DTWD2: variants seen among roughly 807,000 people sequenced by gnomAD.
The protein encoded by DTWD2 is tRNA-uridine aminocarboxypropyltransferase 2.
Under a neutral mutation model 31.8 loss-of-function variants are expected in DTWD2, and 39 were observed. That is an observed-to-expected ratio of 1.22 (90% CI 0.95 to 1.60). The LOEUF (loss-of-function observed/expected upper bound fraction) is 1.60, where lower values mean the gene tolerates loss of function less well. Among genes scored for constraint, DTWD2 ranks in the 40% most tolerant of loss-of-function variants. The pLI is 0.00. For synonymous variants in DTWD2, 180 were observed against 142.8 expected (o/e 1.26, Z -1.86); for missense variants, 515 against 381.5 (o/e 1.35, Z -2.92).
chr5:118,924,225 T>TAGCA (rs1753764643), intron 4 of DTWD2, among the ~76,000 whole-genome samples: 1 of 152,156 alleles, frequency 6.6e-6, no homozygotes, highest in African/African-American at 2.4e-5. Flanking sequence ...AAGTATCTCC[T>TAGCA]AGCAGGAGGA....
At chr5:118,846,687 A>T (rs1751859850) in intron 5 of DTWD2, among the ~76,000 whole-genome samples, 1 of 152,132 alleles carries the variant, frequency 6.6e-6, no homozygotes, top group Admixed American at 6.6e-5. Context: ...TTGCTTAAGA[A>T]TATACAGAGA....
intron 5 of DTWD2, among the ~76,000 whole-genome samples, chr5:118,846,174 T>C (rs953935832): frequency 2.8e-4 from 42 of 152,178 alleles, no homozygotes; most frequent in Admixed American, 3.9e-4. Flanking sequence ...TAATGGTATA[T>C]TGATTTTTAA....
At chr5:118,961,335 C>CTG (rs1754702025) in intron 1 of DTWD2, among the ~76,000 whole-genome samples, 1 of 152,136 alleles carries the variant, frequency 6.6e-6, no homozygotes, top group African/African-American at 2.4e-5. Context: ...AAACAGCTTT[C>CTG]TTAACAGCAA....
intron 1 of DTWD2, among the ~76,000 whole-genome samples, chr5:118,949,146 G>A (rs2149587957): frequency 6.6e-6 from 1 of 151,918 alleles, no homozygotes; most frequent in African/African-American, 2.4e-5. Context: ...TTTGTAGGAG[G>A]GGCTATAAAG....
At chr5:118,850,986 C>T (rs944929484) in intron 4 of DTWD2, among the ~76,000 whole-genome samples, 1 of 152,062 alleles carries the variant, frequency 6.6e-6, no homozygotes, top group Admixed American at 6.6e-5. Flanking sequence ...GTGGCTCAGG[C>T]CTGCAATCCC....
intron 5 of DTWD2, among the ~76,000 whole-genome samples, chr5:118,842,666 C>T (rs1317425165): frequency 6.6e-6 from 1 of 152,050 alleles, no homozygotes; most frequent in Non-Finnish European, 1.5e-5. Context: ...AATATACACC[C>T]CCACATCTGT....
rs541698508 is a variant in DTWD2 at position 118,878,462 on chromosome 5, C to A, written c.598-30244G>T. Among the ~76,000 whole-genome samples, 12 of 152,198 alleles carry A rather than the reference C, an allele frequency of 7.9e-5. No homozygotes were observed. In the South Asian group the frequency reaches 2.5e-3, roughly 32 times the overall value. On this transcript the variant is annotated intron_variant, in intron 4 of 5. Transcript: ENST00000510708. Reference sequence around the variant, plus strand: ...GCTAGGATAACTGGCTAGTCATATGCAGAAGATTGATACTGGACCCCTTCA... The same window carrying A: ...GCTAGGATAACTGGCTAGTCATATGAAGAAGATTGATACTGGACCCCTTCA...
intron 2 of DTWD2, among the ~76,000 whole-genome samples, chr5:118,942,729 C>A (rs76392725): frequency 0.017 from 2,639 of 152,086 alleles, 70 homozygotes; most frequent in African/African-American, 0.061. Context: ...TCTGGAACCA[C>A]ACAATAATGA....
At chr5:118,887,225 T>A (rs1247267842) in intron 4 of DTWD2, among the ~76,000 whole-genome samples, 2 of 152,210 alleles carry the variant, frequency 1.3e-5, no homozygotes, top group African/African-American at 4.8e-5. Flanking sequence ...ATAAAAATAT[T>A]CTATTCTCTA....
At chr5:118,920,122 A>G (rs985818328) in intron 4 of DTWD2, among the ~76,000 whole-genome samples, 6 of 152,134 alleles carry the variant, frequency 3.9e-5, no homozygotes, top group African/African-American at 9.7e-5. Context: ...CCTGGTGCCA[A>G]AAAGACTGGG....
intron 1 of DTWD2, among the ~76,000 whole-genome samples, chr5:118,945,376 C>T (rs1403352640): frequency 6.6e-6 from 1 of 152,134 alleles, no homozygotes; most frequent in East Asian, 1.9e-4. Flanking sequence ...TTAGGGGCAA[C>T]CAATGACTGG....
At chr5:118,857,434 T>G (rs929687063) in intron 4 of DTWD2, among the ~76,000 whole-genome samples, 3 of 152,212 alleles carry the variant, frequency 2.0e-5, no homozygotes, top group Non-Finnish European at 4.4e-5. Flanking sequence ...CTATTAAGAC[T>G]TTTGTCATAT....
intron 4 of DTWD2, among the ~76,000 whole-genome samples, chr5:118,884,142 C>G (rs1033082846): frequency 6.6e-6 from 1 of 152,156 alleles, no homozygotes; most frequent in Non-Finnish European, 1.5e-5. Context: ...TAATAAAATT[C>G]TTCCAGAAGC....
rs561082997 is a variant in DTWD2, at chr5:118,921,490, A to C, written c.597+7047T>G. Among the ~76,000 whole-genome samples the C allele has an allele frequency of 1.1e-4, 16 of 151,350 alleles. No homozygotes were observed. The South Asian group carries it at 3.4e-3, about 32-fold the overall frequency. Reference sequence around the variant, plus strand: ...AGCTATAATCACACCCGTGTACTCCAGTCTAGGCAACAGAGCAAGACCCCA... The same window carrying C: ...AGCTATAATCACACCCGTGTACTCCCGTCTAGGCAACAGAGCAAGACCCCA... On this transcript the variant is annotated intron_variant, in intron 4 of 5. Transcript: ENST00000510708.
At chr5:118,859,455 G>T (rs775252363) in intron 4 of DTWD2, among the ~76,000 whole-genome samples, 1 of 151,962 alleles carries the variant, frequency 6.6e-6, no homozygotes, top group Non-Finnish European at 1.5e-5. Context: ...ATACATTTTT[G>T]AAATGTTTTG....
intron 1 of DTWD2, among the ~76,000 whole-genome samples, chr5:118,983,469 T>A (rs192348563): frequency 1.3e-5 from 2 of 152,272 alleles, no homozygotes; most frequent in African/African-American, 4.8e-5. Flanking sequence ...GCATTCTTCT[T>A]AAACACCTGC....
chr5:118,945,730 A>C (rs1479025135), intron 1 of DTWD2, among the ~76,000 whole-genome samples: 1 of 148,630 alleles, frequency 6.7e-6, no homozygotes, highest in Non-Finnish European at 1.5e-5. Context: ...GTGCCACTGC[A>C]CTCCAGCCTG....
chr5:118,988,285 C>A lies in DTWD2; in HGVS notation c.218+9G>T, dbSNP rs767316960. Reference sequence around the variant, plus strand: ...CGGCTGCAGTCCCCGCCCCCAGCCCCGCGGTCACCTGCAGCGGGTGCACTC... The same window carrying A: ...CGGCTGCAGTCCCCGCCCCCAGCCCAGCGGTCACCTGCAGCGGGTGCACTC... On this transcript the variant is annotated intron_variant, in intron 1 of 5. Transcript: ENST00000510708. 6.6e-7 allele frequency: 1 copy of A among 1,524,498 alleles called. No homozygotes were observed. Among genetic ancestry groups the A allele is most frequent in the African/African-American group, 1.4e-5 (1 of 72,304 alleles). 94.4% of individuals were successfully genotyped at this position (1,524,498 alleles called of 1,614,324 possible).
intron 3 of DTWD2, among the ~76,000 whole-genome samples, chr5:118,929,994 A>C (rs1035071163): frequency 6.6e-6 from 1 of 152,224 alleles, no homozygotes; most frequent in Non-Finnish European, 1.5e-5. Context: ...CATAATAACC[A>C]GCTTTGCCAT....
Sources: gnomAD v4.1 joint callset for allele counts (sites outside exome capture counted in the v4.1 genomes callset) on GRCh38, gnomAD v4.1.1 for gene constraint, MANE v1.5 for transcripts, NCBI Gene and HGNC (gene_info 2026-07-23, HGNC 2026-07-21) for gene names.